Variants in SPIDR observed in about 807,000 individuals in gnomAD.
The protein encoded by SPIDR is DNA repair-scaffolding protein.
Under a neutral mutation model 104.6 loss-of-function variants are expected in SPIDR, and 93 were observed. The ratio of observed to expected loss-of-function variants is 0.89; its 90% CI spans 0.75 to 1.06. SPIDR has a LOEUF of 1.06. SPIDR is among the 50% of genes least tolerant of loss of function. SPIDR has a pLI of 0.00. For synonymous variants in SPIDR, 431 were observed against 416.9 expected (o/e 1.03, Z -0.41); for missense variants, 1,154 against 1,111.2 (o/e 1.04, Z -0.55).
At chr8:47,551,646 C>A (rs1005466712) in intron 8 of SPIDR, among the ~76,000 whole-genome samples, 1 of 151,968 alleles carries the variant, frequency 6.6e-6, no homozygotes. Context: ...TTACGTCTAT[C>A]TGATTCTTCT....
chr8:47,406,877 T>C (rs2062833609), intron 6 of SPIDR, among the ~76,000 whole-genome samples: 3 of 152,198 alleles, frequency 2.0e-5, no homozygotes, highest in Admixed American at 1.3e-4. Context: ...GGTACTGATA[T>C]CTGTTCTTTC....
intron 5 of SPIDR, among the ~76,000 whole-genome samples, chr8:47,327,225 G>A (rs1554600836): frequency 6.6e-6 from 1 of 152,086 alleles, no homozygotes; most frequent in African/African-American, 2.4e-5. Context: ...TCATGTGGTG[G>A]TTGGTGATCT....
intron 8 of SPIDR, among the ~76,000 whole-genome samples, chr8:47,505,514 A>G (rs1013134886): frequency 1.3e-5 from 2 of 152,142 alleles, no homozygotes; most frequent in South Asian, 2.1e-4. Flanking sequence ...GAGTGACCCA[A>G]TTTTCCAGGT....
At chr8:47,415,373 C>T (rs1450986290) in intron 7 of SPIDR, among the ~76,000 whole-genome samples, 3 of 152,124 alleles carry the variant, frequency 2.0e-5, no homozygotes, top group African/African-American at 4.8e-5. Context: ...CAATACAGTC[C>T]ATTGACCCTG....
At chr8:47,437,893 A>G (rs748208037) in intron 7 of SPIDR, among the ~76,000 whole-genome samples, 12 of 152,238 alleles carry the variant, frequency 7.9e-5, no homozygotes, top group Non-Finnish European at 1.8e-4. Context: ...TACTGGATGT[A>G]TACCCAAAGA....
intron 8 of SPIDR, among the ~76,000 whole-genome samples, chr8:47,576,946 A>G (rs1394762559): frequency 2.6e-5 from 4 of 152,256 alleles, no homozygotes; most frequent in Admixed American, 6.5e-5. Flanking sequence ...GCCATACAAC[A>G]GTACCACTCC....
At chr8:47,397,223 C>T (rs1017820831) in intron 6 of SPIDR, among the ~76,000 whole-genome samples, 5 of 152,050 alleles carry the variant, frequency 3.3e-5, no homozygotes, top group Non-Finnish European at 5.9e-5. Context: ...AGAGGCCGGG[C>T]GCGGTGGCTC....
intron 10 of SPIDR, among the ~76,000 whole-genome samples, chr8:47,664,335 A>T (rs1053148196): frequency 2.0e-5 from 3 of 152,200 alleles, no homozygotes; most frequent in African/African-American, 7.2e-5. Flanking sequence ...TAGAAACTGC[A>T]TTTGGAGAGG....
intron 10 of SPIDR, among the ~76,000 whole-genome samples, chr8:47,663,155 C>T (rs979371227): frequency 6.6e-6 from 1 of 152,242 alleles, no homozygotes; most frequent in Non-Finnish European, 1.5e-5. Flanking sequence ...TCAGTGTTCT[C>T]TCAGCCTTTG....
intron 3 of SPIDR, among the ~76,000 whole-genome samples, chr8:47,287,181 A>G (rs2039007082): frequency 6.6e-6 from 1 of 152,192 alleles, no homozygotes; most frequent in African/African-American, 2.4e-5. Context: ...CAAAGATCAC[A>G]TGCTTCAAAG....
At chr8:47,460,517 C>G (rs79316615) in intron 8 of SPIDR, among the ~76,000 whole-genome samples, 4 of 152,206 alleles carry the variant, frequency 2.6e-5, no homozygotes, top group Non-Finnish European at 5.9e-5. Flanking sequence ...CGTGGGCTGT[C>G]TTTTTACACC....
chr8:47,292,763 A>T (rs1016221674), intron 4 of SPIDR, among the ~76,000 whole-genome samples: 1 of 151,908 alleles, frequency 6.6e-6, no homozygotes, highest in African/African-American at 2.4e-5. Flanking sequence ...AATATGTATT[A>T]ATTTGTGGGC....
At chr8:47,698,670 G>C (rs2079691181) in intron 11 of SPIDR, among the ~76,000 whole-genome samples, 1 of 152,204 alleles carries the variant, frequency 6.6e-6, no homozygotes, top group Non-Finnish European at 1.5e-5. Context: ...TGTGCTTCTA[G>C]AACAGCATTT....
chr8:47,278,123 C>G (rs2036948286), intron 1 of SPIDR, among the ~76,000 whole-genome samples: 1 of 147,204 alleles, frequency 6.8e-6, no homozygotes, highest in Non-Finnish European at 1.5e-5. Context: ...TATTAATAGC[C>G]ATTCTGGTGG....
chr8:47,618,789 A>C (rs545738196), intron 10 of SPIDR, among the ~76,000 whole-genome samples: 1 of 152,350 alleles, frequency 6.6e-6, no homozygotes, highest in South Asian at 2.1e-4. Flanking sequence ...TTTAGGAACA[A>C]TATCAATGTC....
intron 10 of SPIDR, among the ~76,000 whole-genome samples, chr8:47,638,888 C>T (rs1487551412): frequency 3.3e-5 from 5 of 152,138 alleles, no homozygotes; most frequent in African/African-American, 4.8e-5. Context: ...AGGATATCAT[C>T]GGCATGAACG....
At chr8:47,278,113 T>A (rs2036941531) in intron 1 of SPIDR, among the ~76,000 whole-genome samples, 2 of 151,256 alleles carry the variant, frequency 1.3e-5, no homozygotes, top group African/African-American at 2.4e-5. Context: ...TTTTTTTTTT[T>A]ATTAATAGCC....
chr8:47,695,919 A>G (rs567115237), intron 11 of SPIDR, among the ~76,000 whole-genome samples: 33 of 152,220 alleles, frequency 2.2e-4, no homozygotes, highest in South Asian at 6.2e-4. Flanking sequence ...TCCTTCATCT[A>G]TTGTATATTT....
intron 8 of SPIDR, among the ~76,000 whole-genome samples, chr8:47,516,111 T>C (rs1171879417): frequency 6.6e-6 from 1 of 152,090 alleles, no homozygotes; most frequent in Non-Finnish European, 1.5e-5. Flanking sequence ...GCCCGGCCAG[T>C]GTCTGCTTTT....
Sources: allele counts gnomAD v4.1 joint callset (sites outside exome capture counted in the v4.1 genomes callset), GRCh38; gene constraint gnomAD v4.1.1; transcripts MANE v1.5; gene names NCBI Gene and HGNC (gene_info 2026-07-23, HGNC 2026-07-21).